Variants in SF3A3 observed in about 807,000 individuals in gnomAD.
The protein encoded by SF3A3 is splicing factor 3a subunit 3.
Under a neutral mutation model 85.8 loss-of-function variants are expected in SF3A3, and 9 were observed. The observed-to-expected ratio is 0.10, with a 90% CI of 0.06 to 0.18. The LOEUF is 0.18. SF3A3 is among the 10% of genes least tolerant of loss of function. The pLI, the probability that SF3A3 is intolerant of heterozygous loss-of-function variation, is 1.00. For missense variants in SF3A3, 306 were observed against 593.3 expected (o/e 0.52, Z 5.03); for synonymous variants, 195 against 204.4 (o/e 0.95, Z 0.39).
intron 14 of SF3A3, among the ~76,000 whole-genome samples, chr1:37,968,650 T>G (rs970447438): frequency 6.6e-6 from 1 of 152,200 alleles, no homozygotes; most frequent in Admixed American, 6.5e-5. Context: ...GGCTTTATCC[T>G]GGATGCCAAC....
chr1:37,973,894 T>C (rs917547451), intron 12 of SF3A3, among the ~76,000 whole-genome samples: 12 of 152,166 alleles, frequency 7.9e-5, no homozygotes, highest in Non-Finnish European at 1.6e-4. Flanking sequence ...TGGAATACTA[T>C]GCAGCCATAA....
rs1158918760 is a variant in SF3A3 at position 37,984,799 on chromosome 1, C to T, written c.304-20G>A. The stretch of plus-strand genomic sequence containing the variant: ...ACAGATCTGAGGGGAAAAGTAAAAG[C>T]TCAGGTGGATTTTTCTTTTTGCTTT... On this transcript the variant is annotated intron_variant, in intron 4 of 16. Coordinates refer to ENST00000373019, the MANE Select transcript of SF3A3 (RefSeq NM_006802.4). The T allele has an allele frequency of 2.5e-6, 4 of 1,605,372 alleles. 1 individual carries two copies. The highest frequency in any genetic ancestry group is 1.7e-5 in the Admixed American group (1 of 59,952).
At chr1:37,975,834 C>A (rs957921147) in intron 12 of SF3A3, among the ~76,000 whole-genome samples, 1 of 152,126 alleles carries the variant, frequency 6.6e-6, no homozygotes, top group East Asian at 1.9e-4. Context: ...ACGGACCATG[C>A]GAGTATGTGT....
At chr1:37,972,705 T>C (rs1308192180) in intron 12 of SF3A3, among the ~76,000 whole-genome samples, 2 of 152,112 alleles carry the variant, frequency 1.3e-5, no homozygotes, top group Non-Finnish European at 2.9e-5. Context: ...ACGGAGTCCT[T>C]GGAAATAGTA....
intron 5 of SF3A3, 56 bp from the exon 6 acceptor site, chr1:37,984,316 T>TA: frequency 9.8e-7 from 1 of 1,016,178 alleles, no homozygotes; most frequent in South Asian, 1.4e-5. Context: ...CTCTTGGACT[T>TA]ACCTTTTCAA....
chr1:37,976,807 A>C (rs1646382447), intron 12 of SF3A3, 77 bp downstream of exon 12: 1 of 930,072 alleles, frequency 1.1e-6, no homozygotes, highest in Non-Finnish European at 1.8e-6. Context: ...CTAATGAAAA[A>C]GTATCTTCTG....
At chr1:37,970,509 A>C (rs1646331517) in intron 12 of SF3A3, among the ~76,000 whole-genome samples, 1 of 152,134 alleles carries the variant, frequency 6.6e-6, no homozygotes, top group African/African-American at 2.4e-5. Flanking sequence ...AAGCGGACCT[A>C]ATAGACATCT....
intron 4 of SF3A3, among the ~76,000 whole-genome samples, chr1:37,985,740 T>C (rs1351606587): frequency 6.6e-6 from 1 of 152,140 alleles, no homozygotes; most frequent in Non-Finnish European, 1.5e-5. Context: ...TATTCTCCCT[T>C]GGTTAGCAGA....
chr1:37,976,844 G>A, intron 12 of SF3A3, 40 bp downstream of exon 12: 1 of 1,264,598 alleles, frequency 7.9e-7, no homozygotes, highest in Non-Finnish European at 1.2e-6. Flanking sequence ...TAACTCCTGT[G>A]CTTTATACCA....
At chr1:37,989,843 C>A in intron 1 of SF3A3, 27 bp downstream of exon 1, 1 of 1,555,078 alleles carries the variant, frequency 6.4e-7, no homozygotes, top group Non-Finnish European at 8.9e-7. Context: ...GTGCTCCTGC[C>A]GCAGCCTCTG....
intron 2 of SF3A3, 39 bp downstream of exon 2, chr1:37,989,509 C>G: frequency 6.2e-7 from 1 of 1,605,316 alleles, no homozygotes; most frequent in Non-Finnish European, 8.5e-7. Context: ...TTTTCCCGCC[C>G]TCGCCAACCC....
chr1:37,985,584 T>C (rs945558780), intron 4 of SF3A3, among the ~76,000 whole-genome samples: 1 of 151,976 alleles, frequency 6.6e-6, no homozygotes, highest in Non-Finnish European at 1.5e-5. Context: ...GCATAGGTTT[T>C]TGTTTTTGTT....
intron 4 of SF3A3, among the ~76,000 whole-genome samples, chr1:37,986,441 C>T (rs1443674405): frequency 2.0e-5 from 3 of 152,126 alleles, no homozygotes; most frequent in Non-Finnish European, 4.4e-5. Context: ...GCAACACCAC[C>T]TGGAGTGGTC....
intron 12 of SF3A3, among the ~76,000 whole-genome samples, chr1:37,973,878 A>G (rs976755865): frequency 6.6e-6 from 1 of 152,240 alleles, no homozygotes; most frequent in African/African-American, 2.4e-5. Flanking sequence ...TTGCACATAT[A>G]CACCATGGAA....
Position 37,985,412 on chromosome 1 carries a change from G to GT in SF3A3, c.304-634dup, listed in dbSNP as rs11363172. Among the ~76,000 whole-genome samples the GT allele has an allele frequency of 8.0e-3, 1,210 of 150,928 alleles. 13 individuals carry two copies. Among genetic ancestry groups the GT allele is most frequent in the African/African-American group, 0.021 (869 of 41,078 alleles). The stretch of plus-strand genomic sequence containing the variant: ...CTGCACATTAGAATCACCTGGGGGA[G>GT]TTTTTTTTTTAAATCCTGATGCACC... On this transcript the variant is annotated intron_variant, in intron 4 of 16. Transcript: ENST00000373019.
intron 15 of SF3A3, among the ~76,000 whole-genome samples, chr1:37,964,523 G>A (rs987459531): frequency 6.6e-6 from 1 of 151,916 alleles, no homozygotes; most frequent in Non-Finnish European, 1.5e-5. Context: ...AGGAGAAATC[G>A]CTTGGAACCA....
rs1052095647 is a variant in SF3A3, at chr1:37,957,017, G to C, written c.*1169C>G. 6.6e-6 allele frequency: 1 copy of C among 152,210 alleles called. No homozygotes were observed. The highest frequency in any genetic ancestry group is 6.5e-5 in the Admixed American group (1 of 15,272). The allele number at this position is 152,210 out of a possible 1,614,324, so 9.4% of individuals were successfully genotyped here. On this transcript the variant is annotated 3_prime_UTR_variant, in exon 17 of 17. Transcript: ENST00000373019. ...TTTATTAAAAAACAGTTGAAGGTCT[G>C]AGTGTTGAGAGGCAAATGGGGTCTC...
chr1:37,980,181 T>C (rs1033521046), intron 8 of SF3A3, among the ~76,000 whole-genome samples: 1 of 152,098 alleles, frequency 6.6e-6, no homozygotes. Context: ...TCCCAGCACT[T>C]TGGGAGGCCG....
intron 15 of SF3A3, among the ~76,000 whole-genome samples, chr1:37,962,285 CAAAAAAAAAAAAAAAAAAAAAAA>C (rs10559284): frequency 7.5e-5 from 2 of 26,512 alleles, no homozygotes; most frequent in Admixed American, 7.0e-4. Context: ...GCGAGACTGT[CAAAAAAAAAAAAAAAAAAAAAAA>C]AAAAAAAAAA....
Sources: allele counts gnomAD v4.1 joint callset (sites outside exome capture counted in the v4.1 genomes callset), GRCh38; gene constraint gnomAD v4.1.1; transcripts MANE v1.5; gene names NCBI Gene and HGNC (gene_info 2026-07-23, HGNC 2026-07-21).